TRPM3: variants seen among roughly 807,000 people sequenced by gnomAD.
TRPM3 encodes the protein transient receptor potential cation channel subfamily M member 3.
A neutral mutation model predicts 181.2 loss-of-function variants in TRPM3; 77 were observed. That is an observed-to-expected ratio of 0.42 (90% CI 0.35 to 0.51). The LOEUF (loss-of-function observed/expected upper bound fraction) is 0.51, where lower values mean the gene tolerates loss of function less well. Among genes scored for constraint, TRPM3 ranks in the 20% least tolerant of loss-of-function variants. The pLI is 0.01. For missense variants in TRPM3, 1,759 were observed against 2,196.7 expected (o/e 0.80, Z 3.98); for synonymous variants, 745 against 796.4 (o/e 0.94, Z 1.09).
chr9:70,887,216 G>C (rs913432149), intron 1 of TRPM3, among the ~76,000 whole-genome samples: 1 of 152,246 alleles, frequency 6.6e-6, no homozygotes, highest in Middle Eastern at 3.4e-3. Context: ...ATCTAGTTTA[G>C]GTTGTTTCAG....
At chr9:71,147,316 C>A (rs2075466059) in intron 1 of TRPM3, among the ~76,000 whole-genome samples, 1 of 151,928 alleles carries the variant, frequency 6.6e-6, no homozygotes, top group African/African-American at 2.4e-5. Flanking sequence ...TATCCCTAAA[C>A]CCAGATAGAA....
At chr9:71,439,945 C>A (rs1280646127) in intron 1 of TRPM3, among the ~76,000 whole-genome samples, 2 of 151,832 alleles carry the variant, frequency 1.3e-5, no homozygotes, top group Non-Finnish European at 2.9e-5. Flanking sequence ...CACGGTGAAA[C>A]CCTGTCGCTA....
At chr9:71,050,086 G>A (rs1365042159) in intron 1 of TRPM3, among the ~76,000 whole-genome samples, 1 of 152,156 alleles carries the variant, frequency 6.6e-6, no homozygotes, top group African/African-American at 2.4e-5. Flanking sequence ...ACTGGACCCA[G>A]AAGACAGAAG....
In TRPM3 at chr9:71,033,057, G is replaced by C. The variant is rs1165797473; in HGVS notation, c.177+88121C>G. ...TTTGGCACCTATCTGATAGTTCACTGAGAAGTCATCTCTCCATCTTAAGTG... is the reference window on the plus strand; with the variant it reads ...TTTGGCACCTATCTGATAGTTCACTCAGAAGTCATCTCTCCATCTTAAGTG... On this transcript the variant is annotated intron_variant, in intron 1 of 25. Coordinates refer to ENST00000677713, the MANE Select transcript of TRPM3 (RefSeq NM_001366145.2). Among the ~76,000 whole-genome samples the C allele has an allele frequency of 2.0e-5, 3 of 152,176 alleles. No homozygotes were observed. In the East Asian group the frequency reaches 5.8e-4, roughly 29 times the overall value.
In TRPM3 at chr9:71,292,387, G is replaced by C. The variant is rs150727085; in HGVS notation, c.183+154266C>G. 3.4e-3 allele frequency among the ~76,000 whole-genome samples: 518 copies of C among 152,076 alleles called. 8 individuals are homozygous for C. The highest frequency in any genetic ancestry group is 0.032 in the Admixed American group (483 of 15,254). On this transcript the variant is annotated intron_variant, in intron 1 of 24. Coordinates refer to the TRPM3 transcript ENST00000357533. The stretch of plus-strand genomic sequence containing the variant: ...GTGAGAGAATTAACAGAGTTAATCT[G>C]TTTTTAATGGCTAAAAAACTTGAGC...
chr9:71,317,289 T>C (rs2088698695), intron 1 of TRPM3, among the ~76,000 whole-genome samples: 1 of 152,158 alleles, frequency 6.6e-6, no homozygotes, highest in South Asian at 2.1e-4. Context: ...AAAAGGCTCA[T>C]TGATAAAACA....
chr9:71,333,533 T>C (rs1565472520), intron 1 of TRPM3, among the ~76,000 whole-genome samples: 1 of 152,014 alleles, frequency 6.6e-6, no homozygotes, highest in Non-Finnish European at 1.5e-5. Context: ...ATGTGATAAG[T>C]TGCCCTGTGG....
At chr9:71,216,930 G>T (rs959213052) in intron 1 of TRPM3, among the ~76,000 whole-genome samples, 2 of 144,262 alleles carry the variant, frequency 1.4e-5, no homozygotes, top group African/African-American at 5.2e-5. Context: ...ATAGTCAGTG[G>T]CCCTTTCTTT....
chr9:70,821,971 T>C (rs1413825637), intron 6 of TRPM3, among the ~76,000 whole-genome samples: 3 of 152,248 alleles, frequency 2.0e-5, no homozygotes, highest in Non-Finnish European at 2.9e-5. Context: ...TAAATTTTCC[T>C]AGTCTGTTCA....
At chr9:70,636,389 G>T (rs1409969027) in intron 11 of TRPM3, among the ~76,000 whole-genome samples, 8 of 152,064 alleles carry the variant, frequency 5.3e-5, no homozygotes, top group Admixed American at 5.2e-4. Context: ...AAAAGCCACA[G>T]ACTGTTTGGG....
intron 8 of TRPM3, among the ~76,000 whole-genome samples, chr9:70,742,695 T>A (rs932969445): frequency 1.3e-5 from 2 of 152,314 alleles, no homozygotes; most frequent in East Asian, 1.9e-4. Flanking sequence ...TAGACAAATC[T>A]CACAGCATCT....
At chr9:70,987,198 A>G (rs2097430462) in intron 1 of TRPM3, among the ~76,000 whole-genome samples, 1 of 152,116 alleles carries the variant, frequency 6.6e-6, no homozygotes, top group Admixed American at 6.6e-5. Flanking sequence ...ATAACAACTG[A>G]TGACAACAAA....
At chr9:71,019,729 T>G (rs1177746477) in intron 1 of TRPM3, among the ~76,000 whole-genome samples, 2 of 152,146 alleles carry the variant, frequency 1.3e-5, no homozygotes, top group African/African-American at 4.8e-5. Flanking sequence ...AATCTGATTC[T>G]AGAATTTAAA....
At chr9:70,656,471 G>A (rs1306157956) in intron 9 of TRPM3, among the ~76,000 whole-genome samples, 1 of 152,208 alleles carries the variant, frequency 6.6e-6, no homozygotes, top group Non-Finnish European at 1.5e-5. Context: ...TCCTTCCAAA[G>A]TTGTTAATAG....
chr9:71,114,450 T>A (rs2071838393), intron 1 of TRPM3, among the ~76,000 whole-genome samples: 1 of 152,218 alleles, frequency 6.6e-6, no homozygotes, highest in Non-Finnish European at 1.5e-5. Flanking sequence ...TCATTCTATT[T>A]TTTTCATATT....
At chr9:70,928,048 A>T (rs1402939409) in intron 1 of TRPM3, among the ~76,000 whole-genome samples, 2 of 152,170 alleles carry the variant, frequency 1.3e-5, no homozygotes, top group South Asian at 4.1e-4. Context: ...CTTCCAACTA[A>T]TTGTTCCCAT....
intron 1 of TRPM3, among the ~76,000 whole-genome samples, chr9:71,315,215 CTT>C (rs2088444422): frequency 6.6e-6 from 1 of 152,108 alleles, no homozygotes; most frequent in Non-Finnish European, 1.5e-5. Context: ...GCATTCTGGA[CTT>C]TTCCTAGGTT....
At chr9:71,237,060 A>AGGG (rs67870195) in intron 1 of TRPM3, among the ~76,000 whole-genome samples, 3 of 138,978 alleles carry the variant, frequency 2.2e-5, no homozygotes, top group African/African-American at 8.3e-5. Context: ...AAAAAAAAAA[A>AGGG]GGGGGGGGGA....
At chr9:70,682,291 CATGAGGAAAGAT>C (rs1370234454) in intron 8 of TRPM3, among the ~76,000 whole-genome samples, 1 of 151,934 alleles carries the variant, frequency 6.6e-6, no homozygotes, top group African/African-American at 2.4e-5. Flanking sequence ...ATATGTATTA[CATGAGGAAAGAT>C]ATATATGACT....
Sources: gnomAD v4.1 joint callset for allele counts (sites outside exome capture counted in the v4.1 genomes callset) on GRCh38, gnomAD v4.1.1 for gene constraint, MANE v1.5 for transcripts, NCBI Gene and HGNC (gene_info 2026-07-23, HGNC 2026-07-21) for gene names.